The following MCU variants were observed in gnomAD, a reference collection of about 807,000 sequenced individuals.
The protein encoded by MCU is mitochondrial calcium uniporter.
MCU carries 12 observed loss-of-function variants against 45.2 expected under a neutral mutation model. That is an observed-to-expected ratio of 0.27 (90% CI 0.17 to 0.43). MCU has a LOEUF of 0.43. MCU is among the 20% of genes least tolerant of loss of function. MCU has a pLI of 1.00. For synonymous variants in MCU, 160 were observed against 165.1 expected (o/e 0.97, Z 0.24); for missense variants, 324 against 436.7 (o/e 0.74, Z 2.30).
intron 4 of MCU, among the ~76,000 whole-genome samples, chr10:72,868,022 CATA>C: frequency 6.6e-6 from 1 of 152,050 alleles, no homozygotes; most frequent in South Asian, 2.1e-4. Flanking sequence ...TTTTAATAAG[CATA>C]ATAATCAAAT....
At chr10:72,797,686 C>G (rs1564559615) in intron 1 of MCU, among the ~76,000 whole-genome samples, 3 of 151,246 alleles carry the variant, frequency 2.0e-5, no homozygotes, top group East Asian at 1.9e-4. Flanking sequence ...AGGCGCCCAC[C>G]ACCACGCCCG....
chr10:72,794,883 A>C (rs555690612), intron 1 of MCU, among the ~76,000 whole-genome samples: 1 of 152,296 alleles, frequency 6.6e-6, no homozygotes, highest in South Asian at 2.1e-4. Flanking sequence ...CTGAGTCTTA[A>C]TAAAATATTT....
At chr10:72,701,021 T>A (rs554229486) in intron 1 of MCU, among the ~76,000 whole-genome samples, 18 of 152,312 alleles carry the variant, frequency 1.2e-4, no homozygotes, top group Non-Finnish European at 2.4e-4. Context: ...CATTTAAACT[T>A]CTTTTTTGTC....
intron 2 of MCU, among the ~76,000 whole-genome samples, chr10:72,843,751 G>T (rs1321232650): frequency 2.6e-5 from 4 of 152,096 alleles, no homozygotes; most frequent in African/African-American, 9.7e-5. Flanking sequence ...TTTGTATTCC[G>T]AACAGTAATG....
intron 2 of MCU, among the ~76,000 whole-genome samples, chr10:72,849,467 T>A (rs769643513): frequency 6.6e-6 from 1 of 152,086 alleles, no homozygotes; most frequent in East Asian, 1.9e-4. Context: ...TTAGGACTTT[T>A]GAGTTTCAGT....
At chr10:72,736,060 T>C (rs1188277266) in intron 1 of MCU, among the ~76,000 whole-genome samples, 1 of 152,230 alleles carries the variant, frequency 6.6e-6, no homozygotes, top group Non-Finnish European at 1.5e-5. Flanking sequence ...ATATTCTCGT[T>C]TTGCAAATCA....
chr10:72,784,088 G>T (rs1283983134), intron 1 of MCU, among the ~76,000 whole-genome samples: 1 of 152,208 alleles, frequency 6.6e-6, no homozygotes, highest in Non-Finnish European at 1.5e-5. Context: ...GGATGGTGTA[G>T]CTCCTTGCTT....
intron 2 of MCU, among the ~76,000 whole-genome samples, chr10:72,858,216 G>A (rs976946108): frequency 2.6e-5 from 4 of 152,198 alleles, no homozygotes; most frequent in African/African-American, 9.6e-5. Flanking sequence ...GAGAGGCCAT[G>A]CATATTTATG....
At chr10:72,736,815 T>G (rs569351262) in intron 1 of MCU, among the ~76,000 whole-genome samples, 2 of 152,318 alleles carry the variant, frequency 1.3e-5, no homozygotes, top group South Asian at 4.1e-4. Context: ...AGGCCAGGCA[T>G]TTAGCAGTCT....
At chr10:72,836,279 T>A (rs909227380) in intron 2 of MCU, among the ~76,000 whole-genome samples, 66 of 152,248 alleles carry the variant, frequency 4.3e-4, no homozygotes, top group African/African-American at 1.5e-3. Context: ...ATAAAGAATA[T>A]CAACCAAGTC....
chr10:72,714,927 AT>A (rs1182189844), intron 1 of MCU, among the ~76,000 whole-genome samples: 1 of 152,096 alleles, frequency 6.6e-6, no homozygotes, highest in Admixed American at 6.5e-5. Flanking sequence ...GTTACAACTA[AT>A]TTTTTTTAAA....
At chr10:72,805,101 C>CTCTCTCTTTCTT (rs1554824918) in intron 1 of MCU, among the ~76,000 whole-genome samples, 13 of 103,454 alleles carry the variant, frequency 1.3e-4, no homozygotes, top group African/African-American at 3.9e-4. Flanking sequence ...TTCTTTCTTT[C>CTCTCTCTTTCTT]TCTTTCTTTC....
intron 1 of MCU, among the ~76,000 whole-genome samples, chr10:72,788,475 A>G (rs758934339): frequency 6.6e-6 from 1 of 152,224 alleles, no homozygotes; most frequent in Non-Finnish European, 1.5e-5. Context: ...AAATTAAGAA[A>G]CATAGCCAGG....
intron 6 of MCU, among the ~76,000 whole-genome samples, chr10:72,881,935 G>A (rs556749726): frequency 6.6e-6 from 1 of 152,326 alleles, no homozygotes; most frequent in African/African-American, 2.4e-5. Context: ...TAAATAAAAT[G>A]TGGCATAATT....
At chr10:72,797,417 G>A (rs376261148) in intron 1 of MCU, among the ~76,000 whole-genome samples, 15 of 151,208 alleles carry the variant, frequency 9.9e-5, no homozygotes, top group African/African-American at 3.2e-4. Flanking sequence ...GTAGAGGCAG[G>A]GTTTCATCAT....
At chr10:72,854,283 C>G (rs1845254067) in intron 2 of MCU, among the ~76,000 whole-genome samples, 1 of 152,044 alleles carries the variant, frequency 6.6e-6, no homozygotes, top group Non-Finnish European at 1.5e-5. Flanking sequence ...CGGAATGAGA[C>G]CCTGTCTTTA....
At chr10:72,692,753 A>G in intron 1 of MCU, 1 of 1,335,784 alleles carries the variant, frequency 7.5e-7, no homozygotes. Context: ...GGAGAGTGGC[A>G]GTGCCATGCT....
intron 1 of MCU, among the ~76,000 whole-genome samples, chr10:72,725,150 G>A (rs111772676): frequency 1.5e-4 from 23 of 151,726 alleles, no homozygotes; most frequent in African/African-American, 5.3e-4. Flanking sequence ...TTTTGAGACG[G>A]AGTCTCGCTC....
chr10:72,884,915 C>T (rs1564584698), intron 7 of MCU, among the ~76,000 whole-genome samples: 1 of 152,130 alleles, frequency 6.6e-6, no homozygotes, highest in Non-Finnish European at 1.5e-5. Flanking sequence ...CTGGATGTGC[C>T]TCCCTCACTC....
Sources: allele counts gnomAD v4.1 joint callset (sites outside exome capture counted in the v4.1 genomes callset), GRCh38; gene constraint gnomAD v4.1.1; transcripts MANE v1.5; gene names NCBI Gene and HGNC (gene_info 2026-07-23, HGNC 2026-07-21).